The following FAM184B variants were observed in gnomAD, a reference collection of about 807,000 sequenced individuals.
FAM184B encodes the protein protein FAM184B.
Under a neutral mutation model 135.9 loss-of-function variants are expected in FAM184B, and 111 were observed. The ratio of observed to expected loss-of-function variants is 0.82; its 90% CI spans 0.70 to 0.96. The LOEUF (loss-of-function observed/expected upper bound fraction) is 0.96. Ranked by LOEUF, FAM184B falls within the 40% of genes least tolerant of loss-of-function variation. The pLI, the probability that FAM184B is intolerant of heterozygous loss-of-function variation, is 0.00. For missense variants in FAM184B, 1,375 were observed against 1,323.9 expected (o/e 1.04, Z -0.60); for synonymous variants, 552 against 524.8 (o/e 1.05, Z -0.71).
At chr4:17,640,874 A>G (rs1244334820) in intron 13 of FAM184B, among the ~76,000 whole-genome samples, 2 of 152,210 alleles carry the variant, frequency 1.3e-5, no homozygotes, top group African/African-American at 2.4e-5. Flanking sequence ...GGACATGCCA[A>G]GCCTCCTGCA....
At chr4:17,639,659 T>A (rs1263525801) in intron 13 of FAM184B, among the ~76,000 whole-genome samples, 1 of 151,908 alleles carries the variant, frequency 6.6e-6, no homozygotes, top group East Asian at 1.9e-4. Context: ...CAGGTGGAAG[T>A]GATGGAGAGC....
chr4:17,639,728 G>A (rs1344695249), intron 13 of FAM184B, among the ~76,000 whole-genome samples: 2 of 152,118 alleles, frequency 1.3e-5, no homozygotes, highest in African/African-American at 4.8e-5. Flanking sequence ...GGGGAGGCAA[G>A]AGGCTGAGAT....
intron 16 of FAM184B, 71 bp from the exon 17 acceptor site, chr4:17,633,959 A>C: frequency 8.4e-7 from 1 of 1,192,142 alleles, no homozygotes; most frequent in Non-Finnish European, 1.1e-6. Flanking sequence ...TGTAAAAGCA[A>C]ATAATGCTCA....
At chr4:17,706,508 A>G (rs985218550) in intron 3 of FAM184B, among the ~76,000 whole-genome samples, 5 of 152,290 alleles carry the variant, frequency 3.3e-5, no homozygotes, top group Admixed American at 3.3e-4. Flanking sequence ...CCTTTGTTAT[A>G]TCTCCCAGTG....
rs955030922 is a variant in FAM184B, at chr4:17,764,817, C to T, written c.141+16342G>A. ...CGGTGGCTCACGCCTGTAATCTCAG[C>T]GCTTTGGGAGGCCAAGGCAGGAGGA... On this transcript the variant is annotated intron_variant, in intron 1 of 17. Transcript: ENST00000265018. Among the ~76,000 whole-genome samples the T allele has an allele frequency of 2.4e-4, 36 of 152,192 alleles. 1 individual carries two copies. Among genetic ancestry groups the T allele is most frequent in the Admixed American group, 2.1e-3 (32 of 15,276 alleles).
intron 7 of FAM184B, among the ~76,000 whole-genome samples, chr4:17,686,736 G>A (rs1257487953): frequency 6.6e-6 from 1 of 152,254 alleles, no homozygotes; most frequent in Non-Finnish European, 1.5e-5. Flanking sequence ...GAGGTCAGGA[G>A]TTCGAGACTA....
intron 7 of FAM184B, among the ~76,000 whole-genome samples, chr4:17,665,970 T>C (rs1716039449): frequency 6.6e-6 from 1 of 151,452 alleles, no homozygotes; most frequent in Admixed American, 6.6e-5. Context: ...CTACCACATG[T>C]GCAGAACCAA....
At chr4:17,657,287 C>G (rs890521945) in intron 10 of FAM184B, among the ~76,000 whole-genome samples, 4 of 152,238 alleles carry the variant, frequency 2.6e-5, no homozygotes, top group Non-Finnish European at 2.9e-5. Context: ...ATCAGTTTTG[C>G]TTTCCCCTGG....
chr4:17,695,576 T>C (rs975519030), intron 5 of FAM184B, among the ~76,000 whole-genome samples: 7 of 152,090 alleles, frequency 4.6e-5, no homozygotes, highest in East Asian at 1.9e-4. Context: ...GTAAGAGTGA[T>C]GGTGGCTGGG....
intron 7 of FAM184B, among the ~76,000 whole-genome samples, chr4:17,674,310 C>T (rs1044316324): frequency 6.6e-6 from 1 of 152,098 alleles, no homozygotes. Context: ...TTTCCCTATA[C>T]ACATAAAAGT....
intron 10 of FAM184B, among the ~76,000 whole-genome samples, chr4:17,653,682 C>T (rs1308707934): frequency 6.6e-6 from 1 of 151,936 alleles, no homozygotes; most frequent in African/African-American, 2.4e-5. Context: ...CACTGCCTGC[C>T]TAACTTCACT....
intron 1 of FAM184B, among the ~76,000 whole-genome samples, chr4:17,752,598 A>G (rs940939018): frequency 6.6e-6 from 1 of 152,198 alleles, no homozygotes; most frequent in Non-Finnish European, 1.5e-5. Flanking sequence ...ATGGACCGTG[A>G]GGGCAGAAGT....
chr4:17,734,220 TA>T (rs1717854802), intron 1 of FAM184B, among the ~76,000 whole-genome samples: 1 of 152,160 alleles, frequency 6.6e-6, no homozygotes, highest in African/African-American at 2.4e-5. Context: ...CCTAAAACCA[TA>T]AAAACCCTAG....
intron 1 of FAM184B, among the ~76,000 whole-genome samples, chr4:17,741,146 T>C (rs1471476149): frequency 6.6e-6 from 1 of 152,216 alleles, no homozygotes; most frequent in Non-Finnish European, 1.5e-5. Context: ...TGGGTTCTTG[T>C]GGGCATCAAG....
intron 2 of FAM184B, among the ~76,000 whole-genome samples, 183 bp downstream of exon 2, chr4:17,708,709 A>ATATATATATATT (rs3066655): frequency 6.7e-4 from 26 of 38,842 alleles, no homozygotes; most frequent in Non-Finnish European, 8.1e-4. Flanking sequence ...ATATATATAT[A>ATATATATATATT]GTGTCTGTGT....
intron 1 of FAM184B, among the ~76,000 whole-genome samples, chr4:17,761,662 GA>G (rs1362412183): frequency 6.6e-6 from 1 of 152,160 alleles, no homozygotes; most frequent in Non-Finnish European, 1.5e-5. Flanking sequence ...AAGCAGCTGG[GA>G]TTACAGGCCA....
intron 1 of FAM184B, among the ~76,000 whole-genome samples, chr4:17,734,878 A>G (rs1191553128): frequency 1.3e-5 from 2 of 152,106 alleles, no homozygotes; most frequent in African/African-American, 4.8e-5. Context: ...AGACACATGC[A>G]CACGTATGTT....
intron 16 of FAM184B, 32 bp from the exon 17 acceptor site, chr4:17,633,920 G>C: frequency 1.5e-6 from 2 of 1,352,132 alleles, no homozygotes; most frequent in Non-Finnish European, 9.6e-7. Context: ...TTAGTGCAAT[G>C]CAATGCAAAA....
At chr4:17,736,923 T>C (rs28461396) in intron 1 of FAM184B, among the ~76,000 whole-genome samples, 6 of 152,162 alleles carry the variant, frequency 3.9e-5, no homozygotes, top group African/African-American at 9.7e-5. Flanking sequence ...GGTGGGCAGA[T>C]TGGCTGAGGT....
Sources: gnomAD v4.1 joint callset for allele counts (sites outside exome capture counted in the v4.1 genomes callset) on GRCh38, gnomAD v4.1.1 for gene constraint, MANE v1.5 for transcripts, NCBI Gene and HGNC (gene_info 2026-07-23, HGNC 2026-07-21) for gene names.